Variants in KCNMA1 observed in about 807,000 individuals in gnomAD.
KCNMA1 encodes the protein Calcium-activated potassium channel subunit alpha-1.
A neutral mutation model predicts 140.0 loss-of-function variants in KCNMA1; 29 were observed. The observed-to-expected ratio is 0.21, with a 90% CI of 0.15 to 0.28. The LOEUF (loss-of-function observed/expected upper bound fraction) is 0.28. KCNMA1 is among the 10% of genes least tolerant of loss of function. KCNMA1 has a pLI of 1.00. For missense variants in KCNMA1, 880 were observed against 1,602.2 expected, an observed-to-expected ratio of 0.55 and a Z score of 7.70; for synonymous variants, 612 against 611.9, an observed-to-expected ratio of 1.00 and a Z score of 0.00.
At chr10:76,998,472 TG>T (rs1240265520) in intron 19 of KCNMA1, among the ~76,000 whole-genome samples, 3 of 152,134 alleles carry the variant, frequency 2.0e-5, no homozygotes, top group Non-Finnish European at 4.4e-5. Flanking sequence ...ATGAGTGTCT[TG>T]GGAAACAATA....
intron 5 of KCNMA1, among the ~76,000 whole-genome samples, chr10:77,162,965 A>G (rs1347792651): frequency 6.6e-6 from 1 of 152,222 alleles, no homozygotes; most frequent in Non-Finnish European, 1.5e-5. Flanking sequence ...TCATCTTGAT[A>G]TTGGTGACTA....
intron 2 of KCNMA1, among the ~76,000 whole-genome samples, chr10:77,374,552 G>A (rs1338442839): frequency 6.6e-6 from 1 of 152,140 alleles, no homozygotes; most frequent in Non-Finnish European, 1.5e-5. Context: ...TTAAGTAGTA[G>A]ATCACAGGGG....
Position 76,923,446 on chromosome 10 carries a change from GA to G in KCNMA1, c.2903-8398del, listed in dbSNP as rs1052756604. Among the ~76,000 whole-genome samples the G allele has an allele frequency of 1.5e-4, 23 of 148,828 alleles. No individual in the cohort carries two copies. The East Asian group carries it at 3.6e-3, about 23-fold the overall frequency. Reference sequence around the variant, plus strand: ...TCCGTCTCAAAAAAAAAAAAAAAAAGAAAAAAAGAATTCGCTTAAAGAGCTT... The same window carrying G: ...TCCGTCTCAAAAAAAAAAAAAAAAAGAAAAAAGAATTCGCTTAAAGAGCTT... On this transcript the variant is annotated intron_variant, in intron 23 of 27. Transcript: ENST00000286628.
intron 16 of KCNMA1, among the ~76,000 whole-genome samples, chr10:77,027,214 A>G (rs1312165811): frequency 1.3e-5 from 2 of 152,160 alleles, no homozygotes; most frequent in African/African-American, 4.8e-5. Context: ...ATCTATTTCA[A>G]CCAGACCCAG....
chr10:76,886,528 A>G lies in KCNMA1; in HGVS notation c.*738T>C. ...CTTTTCACTTAAACTAAATGACTAG[A>G]ATTTGATACATCCATGATTGGAATA... On this transcript the variant is annotated 3_prime_UTR_variant, in exon 28 of 28. Transcript: ENST00000286628. 1 of 985,322 alleles carries G rather than the reference A, an allele frequency of 1.0e-6. No individual in the cohort carries two copies. Among genetic ancestry groups the G allele is most frequent in the Non-Finnish European group, 1.2e-6 (1 of 829,840 alleles). The allele number at this position is 985,322 out of a possible 1,614,324, so 61.0% of individuals were successfully genotyped here.
intron 23 of KCNMA1, among the ~76,000 whole-genome samples, chr10:76,928,345 A>G (rs1447306881): frequency 1.3e-5 from 2 of 151,862 alleles, no homozygotes; most frequent in African/African-American, 4.8e-5. Flanking sequence ...CTAAAGAGAG[A>G]AGAAATATAT....
At chr10:76,937,137 G>A (rs1591278954) in intron 23 of KCNMA1, among the ~76,000 whole-genome samples, 1 of 152,326 alleles carries the variant, frequency 6.6e-6, no homozygotes, top group East Asian at 1.9e-4. Context: ...GAGGCTCGCT[G>A]CATTTGCAGG....
intron 23 of KCNMA1, among the ~76,000 whole-genome samples, chr10:76,936,308 G>C (rs1197143082): frequency 1.3e-5 from 2 of 152,110 alleles, no homozygotes; most frequent in Non-Finnish European, 2.9e-5. Flanking sequence ...TCTTATTATA[G>C]AGGACTCAAG....
chr10:76,999,157 C>T (rs2085356093), intron 19 of KCNMA1, among the ~76,000 whole-genome samples: 1 of 152,212 alleles, frequency 6.6e-6, no homozygotes, highest in Non-Finnish European at 1.5e-5. Context: ...GTTTTCTTCT[C>T]CCTGGTCTCC....
chr10:77,357,121 G>C (rs1480386996), intron 2 of KCNMA1, among the ~76,000 whole-genome samples: 3 of 152,208 alleles, frequency 2.0e-5, no homozygotes, highest in African/African-American at 7.2e-5. Flanking sequence ...GACAGCAAGA[G>C]ACTGAAGAAC....
chr10:77,500,637 C>T (rs1331720575), intron 1 of KCNMA1, among the ~76,000 whole-genome samples: 16 of 152,138 alleles, frequency 1.1e-4, no homozygotes, highest in Admixed American at 1.0e-3. Flanking sequence ...AAGTCAATGA[C>T]TTTTAGGCAC....
chr10:77,127,214 G>A (rs1871061), intron 5 of KCNMA1, among the ~76,000 whole-genome samples: 130,835 of 151,726 alleles, frequency 0.86, 56,384 homozygotes, highest in East Asian at 0.92. Flanking sequence ...TATCTAGTAT[G>A]TTTATTTACT....
At chr10:77,236,066 A>T (rs2055332633) in intron 3 of KCNMA1, among the ~76,000 whole-genome samples, 1 of 152,184 alleles carries the variant, frequency 6.6e-6, no homozygotes, top group African/African-American at 2.4e-5. Context: ...CCAGGGGAGC[A>T]GGGGACTGAG....
chr10:77,591,781 G>A (rs2079258504), intron 1 of KCNMA1, among the ~76,000 whole-genome samples: 1 of 152,166 alleles, frequency 6.6e-6, no homozygotes, highest in African/African-American at 2.4e-5. Flanking sequence ...GCCCAGCCCA[G>A]GATGCCACAG....
At chr10:77,179,073 G>A (rs1468058229) in intron 5 of KCNMA1, among the ~76,000 whole-genome samples, 1 of 152,172 alleles carries the variant, frequency 6.6e-6, no homozygotes, top group Non-Finnish European at 1.5e-5. Context: ...AAGAGAGACC[G>A]AGGTAATCCT....
At chr10:77,391,103 T>A (rs1398143686) in intron 2 of KCNMA1, among the ~76,000 whole-genome samples, 1 of 152,184 alleles carries the variant, frequency 6.6e-6, no homozygotes, top group Non-Finnish European at 1.5e-5. Flanking sequence ...AGTTTCTCGA[T>A]CCTTTGCGTT....
At chr10:77,504,757 C>T (rs1342634845) in intron 1 of KCNMA1, among the ~76,000 whole-genome samples, 1 of 152,064 alleles carries the variant, frequency 6.6e-6, no homozygotes, top group South Asian at 2.1e-4. Flanking sequence ...GTCACCATGT[C>T]CAGCCAGGAA....
chr10:76,918,917 ATC>A (rs1491543924), intron 23 of KCNMA1, among the ~76,000 whole-genome samples: 1 of 63,344 alleles, frequency 1.6e-5, no homozygotes, highest in African/African-American at 5.0e-5. Context: ...TATATATCAC[ATC>A]ACACACACAC....
rs377546387 is a variant in KCNMA1 at position 76,977,456 on chromosome 10, C to T, written c.2267-7389G>A. 4 of 670,482 alleles carry T rather than the reference C, an allele frequency of 6.0e-6. No individual in the cohort carries two copies. In the East Asian group the frequency reaches 1.1e-4, roughly 18 times the overall value. The allele number at this position is 670,482 out of a possible 1,614,324, so 41.5% of individuals were successfully genotyped here. Reference sequence around the variant, plus strand: ...ACAGTTGTTGGTTTACCAGCCATCCCTGGCTGCTTCCATCTCTAACGACAA... The same window carrying T: ...ACAGTTGTTGGTTTACCAGCCATCCTTGGCTGCTTCCATCTCTAACGACAA... On this transcript the variant is annotated intron_variant, in intron 19 of 27. Coordinates refer to ENST00000286628, the MANE Select transcript of KCNMA1 (RefSeq NM_001161352.2).
Sources: allele counts gnomAD v4.1 joint callset (sites outside exome capture counted in the v4.1 genomes callset), GRCh38; gene constraint gnomAD v4.1.1; transcripts MANE v1.5; gene names NCBI Gene and HGNC (gene_info 2026-07-23, HGNC 2026-07-21).